PDE3B: variants seen among roughly 807,000 people sequenced by gnomAD.
The protein encoded by PDE3B is cGMP-inhibited 3',5'-cyclic phosphodiesterase 3B.
PDE3B carries 66 observed loss-of-function variants against 116.8 expected under a neutral mutation model. The ratio of observed to expected loss-of-function variants is 0.56; its 90% CI spans 0.46 to 0.69. The LOEUF is 0.69. PDE3B is among the 30% of genes least tolerant of loss of function. PDE3B has a pLI of 0.00. For synonymous variants in PDE3B, 595 were observed against 533.6 expected, an observed-to-expected ratio of 1.12 and a Z score of -1.59; for missense variants, 1,384 against 1,368.1, an observed-to-expected ratio of 1.01 and a Z score of -0.18.
At chr11:14,666,943 C>G (rs1042258339) in intron 1 of PDE3B, among the ~76,000 whole-genome samples, 1 of 151,328 alleles carries the variant, frequency 6.6e-6, no homozygotes, top group African/African-American at 2.4e-5. Context: ...GGTATATACC[C>G]AAAGGACTAT....
intron 15 of PDE3B, 87 bp downstream of exon 15, chr11:14,867,845 A>C: frequency 8.0e-7 from 1 of 1,248,086 alleles, no homozygotes; most frequent in Non-Finnish European, 1.1e-6. Context: ...ATGCTCCAAA[A>C]TCCAAAATTT....
Position 14,754,961 on chromosome 11 carries a change from T to C in PDE3B, c.979-16976T>C, listed in dbSNP as rs143103507. ...ATATTTCTCCCATTATCTGTTGTAC[T>C]TTTTGAGCTCAGGACTGAGATTGAA... is the stretch of plus-strand genomic sequence containing the variant. On this transcript the variant is annotated intron_variant, in intron 1 of 15. Coordinates refer to ENST00000282096, the MANE Select transcript of PDE3B (RefSeq NM_000922.4). 4.9e-3 allele frequency among the ~76,000 whole-genome samples: 753 copies of C among 152,274 alleles called. 7 individuals carry two copies. The highest frequency in any genetic ancestry group is 0.017 in the African/African-American group (726 of 41,554).
intron 12 of PDE3B, among the ~76,000 whole-genome samples, chr11:14,848,287 A>C (rs1266845478): frequency 2.8e-5 from 4 of 140,518 alleles, no homozygotes; most frequent in African/African-American, 1.1e-4. Context: ...AAAATTCAAC[A>C]ACCCTTCATG....
chr11:14,751,904 G>A (rs1857066435), intron 1 of PDE3B, among the ~76,000 whole-genome samples: 1 of 152,148 alleles, frequency 6.6e-6, no homozygotes, highest in South Asian at 2.1e-4. Flanking sequence ...AACAGGCTGA[G>A]TGGGACATTG....
At chr11:14,692,528 C>T (rs142339671) in intron 1 of PDE3B, among the ~76,000 whole-genome samples, 10 of 152,156 alleles carry the variant, frequency 6.6e-5, no homozygotes, top group East Asian at 5.8e-4. Flanking sequence ...TTTGTATCTT[C>T]GTATCACATT....
At chr11:14,759,783 G>T (rs1464083231) in intron 1 of PDE3B, among the ~76,000 whole-genome samples, 7 of 151,944 alleles carry the variant, frequency 4.6e-5, no homozygotes, top group Non-Finnish European at 4.4e-5. Flanking sequence ...TTGTGACCTT[G>T]TGATCTGCCC....
intron 1 of PDE3B, among the ~76,000 whole-genome samples, chr11:14,712,309 T>C (rs1227133581): frequency 6.6e-6 from 1 of 152,076 alleles, no homozygotes; most frequent in Non-Finnish European, 1.5e-5. Flanking sequence ...GCTCTTGAAC[T>C]CCTGGCCTCA....
chr11:14,885,481 G>T, the PDE3B span, among the ~76,000 whole-genome samples: 2 of 152,146 alleles, frequency 1.3e-5, no homozygotes, highest in African/African-American at 2.4e-5. Flanking sequence ...TCAAGTGGAA[G>T]TATGTGTTTA....
chr11:14,777,875 G>A (rs11023335), intron 2 of PDE3B, among the ~76,000 whole-genome samples: 46 of 152,154 alleles, frequency 3.0e-4, no homozygotes, highest in Non-Finnish European at 4.9e-4. Context: ...CCTGGGAAGC[G>A]CAAGGGGTCG....
intron 11 of PDE3B, 118 bp downstream of exon 11, chr11:14,835,213 A>G: frequency 1.7e-6 from 1 of 602,070 alleles, no homozygotes; most frequent in Non-Finnish European, 2.9e-6. Flanking sequence ...GTACATACGA[A>G]GGACTGTGTA....
At chr11:14,685,859 A>G (rs1025669285) in intron 1 of PDE3B, among the ~76,000 whole-genome samples, 3 of 152,132 alleles carry the variant, frequency 2.0e-5, no homozygotes, top group Admixed American at 1.3e-4. Context: ...ATCATTCCAA[A>G]CGACTTGAAG....
chr11:14,663,222 A>C (rs1345418234), intron 1 of PDE3B, among the ~76,000 whole-genome samples: 2 of 152,094 alleles, frequency 1.3e-5, no homozygotes, highest in East Asian at 3.8e-4. Flanking sequence ...TTCATAAGTG[A>C]AGGAGAAATA....
At chr11:14,774,300 T>C (rs1857724023) in intron 2 of PDE3B, 2 of 152,246 alleles carry the variant, frequency 1.3e-5, no homozygotes, top group Admixed American at 6.5e-5. Context: ...TAAGACACTC[T>C]GAACCTATTC....
chr11:14,741,487 C>T (rs983622301), intron 1 of PDE3B, among the ~76,000 whole-genome samples: 4 of 151,976 alleles, frequency 2.6e-5, no homozygotes, highest in African/African-American at 9.7e-5. Context: ...TGTGTTTTTG[C>T]ATATGAGATG....
intron 1 of PDE3B, among the ~76,000 whole-genome samples, chr11:14,752,357 T>C (rs1379034461): frequency 6.6e-6 from 1 of 152,206 alleles, no homozygotes; most frequent in East Asian, 1.9e-4. Context: ...TTAGTGGTAT[T>C]ATACTATCTT....
downstream of PDE3B, among the ~76,000 whole-genome samples, chr11:14,876,168 T>C (rs1312044483): frequency 6.6e-6 from 1 of 152,112 alleles, no homozygotes; most frequent in Non-Finnish European, 1.5e-5. Flanking sequence ...AGAGATTTGC[T>C]GTATCAAAGA....
chr11:14,658,293 A>G (rs1004759328), intron 1 of PDE3B, among the ~76,000 whole-genome samples: 1 of 152,220 alleles, frequency 6.6e-6, no homozygotes, highest in Non-Finnish European at 1.5e-5. Context: ...CAACACGATA[A>G]TAGAAAAAGC....
chr11:14,663,676 C>A (rs1304518028), intron 1 of PDE3B, among the ~76,000 whole-genome samples: 1 of 152,046 alleles, frequency 6.6e-6, no homozygotes, highest in Non-Finnish European at 1.5e-5. Flanking sequence ...ACAAAGAAGG[C>A]CATTACATAA....
intron 4 of PDE3B, among the ~76,000 whole-genome samples, chr11:14,789,541 C>A (rs1039665306): frequency 6.6e-6 from 1 of 151,856 alleles, no homozygotes; most frequent in African/African-American, 2.4e-5. Context: ...GTTTTTAAAT[C>A]GATAGAAGTG....
Sources: allele counts gnomAD v4.1 joint callset (sites outside exome capture counted in the v4.1 genomes callset), GRCh38; gene constraint gnomAD v4.1.1; transcripts MANE v1.5; gene names NCBI Gene and HGNC (gene_info 2026-07-23, HGNC 2026-07-21).